The following TRPM1 variants were observed in gnomAD, a reference collection of about 807,000 sequenced individuals.
The protein encoded by TRPM1 is TRPM1-203 APA Isoform, Intron 10.
Under a neutral mutation model 149.4 loss-of-function variants are expected in TRPM1, and 113 were observed. That is an observed-to-expected ratio of 0.76 (90% confidence interval 0.65 to 0.88). TRPM1 has a LOEUF of 0.88. TRPM1 is among the 40% of genes least tolerant of loss of function. TRPM1 has a pLI of 0.00. For synonymous variants in TRPM1, 741 were observed against 759.5 expected, an observed-to-expected ratio of 0.98 and a Z score of 0.40; for missense variants, 1,976 against 2,038.7, an observed-to-expected ratio of 0.97 and a Z score of 0.59.
At chr15:31,062,993 G>T (rs2034273241) in intron 8 of TRPM1, 125 bp downstream of exon 8, 1 of 1,333,304 alleles carries the variant, frequency 7.5e-7, no homozygotes. Context: ...TGGGAGAGGA[G>T]ATCTAGCAAA....
exon 1 of TRPM1, chr15:31,160,913 G>C (rs530420639): frequency 6.5e-7 from 1 of 1,535,396 alleles, no homozygotes; most frequent in African/African-American, 1.4e-5. Flanking sequence ...CACCTTCTGC[G>C]ACCCTGATGT....
Position 31,068,354 on chromosome 15 carries a change from G to A in TRPM1, c.280-262C>T, listed in dbSNP as rs12915986. The stretch of plus-strand genomic sequence containing the variant: ...TCCCCTAAAATTCACGTGGAAACCT[G>A]ATTCCCAATGCAATAGTGTTAAGAG... On this transcript the variant is annotated intron_variant, in intron 4 of 27. Coordinates refer to ENST00000256552, the MANE Select transcript of TRPM1 (RefSeq NM_001252024.2). 0.16 allele frequency among the ~76,000 whole-genome samples: 24,768 copies of A among 152,104 alleles called. 2,854 individuals are homozygous for A. The highest frequency in any genetic ancestry group is 0.33 in the African/African-American group (13,578 of 41,468).
rs779709494 is a variant in TRPM1 at position 31,047,111 on chromosome 15, C to G, written c.1764G>C (p.Arg588Ser). 18 of 1,614,200 alleles carry G rather than the reference C, an allele frequency of 1.1e-5. No individual in the cohort carries two copies. Among genetic ancestry groups the G allele is most frequent in the Non-Finnish European group, 1.4e-5 (17 of 1,180,030 alleles). The change falls in exon 15 of 28, where the codon AGG (arginine) becomes AGC (serine). Residue 588 changes from arginine to serine, a missense_variant and splice_region_variant. Arg to Ser is a moderately radical substitution (Grantham distance 110, BLOSUM62 -1). Transcript: ENST00000256552. ...TLYNNLFGPKRPKALKLLGME... is the reference protein window; with the variant it reads ...TLYNNLFGPKSPKALKLLGME... ...ACACTACACAGGCACTGAGTTCTACCCTCTTTGGTCCAAACAAGTTGTTGT... is the reference window on the plus strand; with the variant it reads ...ACACTACACAGGCACTGAGTTCTACGCTCTTTGGTCCAAACAAGTTGTTGT...
At chr15:31,152,947 A>G (rs749003496) in intron 1 of TRPM1, among the ~76,000 whole-genome samples, 2 of 152,216 alleles carry the variant, frequency 1.3e-5, no homozygotes, top group Non-Finnish European at 2.9e-5. Flanking sequence ...CCAGCCTAAA[A>G]CAGAGATCTC....
At chr15:31,071,956 T>G (rs1472353976) in intron 3 of TRPM1, among the ~76,000 whole-genome samples, 1 of 85,198 alleles carries the variant, frequency 1.2e-5, no homozygotes, top group Non-Finnish European at 2.2e-5. Context: ...AGAGTGAGAC[T>G]CCGTCTCAAA....
intron 1 of TRPM1, among the ~76,000 whole-genome samples, chr15:31,088,638 T>G (rs1485923515): frequency 6.6e-6 from 1 of 152,164 alleles, no homozygotes; most frequent in Non-Finnish European, 1.5e-5. Context: ...AGGAACAAAC[T>G]GCGGACATGC....
At chr15:31,063,001 A>C (rs2034273611) in intron 8 of TRPM1, 117 bp downstream of exon 8, 2 of 1,409,432 alleles carry the variant, frequency 1.4e-6, no homozygotes, top group Admixed American at 3.9e-5. Flanking sequence ...GAGATCTAGC[A>C]AATCTTCCTG....
intron 1 of TRPM1, among the ~76,000 whole-genome samples, chr15:31,150,269 C>T (rs542907955): frequency 2.6e-5 from 4 of 152,158 alleles, no homozygotes; most frequent in East Asian, 1.9e-4. Context: ...GGATCTCTAA[C>T]GGAGGACTCT....
chr15:31,068,188 C>T (rs762080897), intron 4 of TRPM1, 96 bp from the exon 5 acceptor site: 6 of 1,116,650 alleles, frequency 5.4e-6, no homozygotes, highest in East Asian at 2.3e-5. Context: ...GCAAGAACTG[C>T]CTGGCTTGTC....
At chr15:31,150,121 T>C (rs2036280139) in intron 1 of TRPM1, among the ~76,000 whole-genome samples, 1 of 152,236 alleles carries the variant, frequency 6.6e-6, no homozygotes, top group South Asian at 2.1e-4. Context: ...TTCTTAAGTG[T>C]CCTCAGCCTA....
intron 1 of TRPM1, among the ~76,000 whole-genome samples, chr15:31,086,860 T>C (rs1414572032): frequency 6.6e-6 from 1 of 152,190 alleles, no homozygotes; most frequent in Non-Finnish European, 1.5e-5. Flanking sequence ...ATATTAATAT[T>C]TACAATACCT....
chr15:31,083,959 T>G (rs2034931230), intron 1 of TRPM1, among the ~76,000 whole-genome samples: 1 of 152,174 alleles, frequency 6.6e-6, no homozygotes, highest in Non-Finnish European at 1.5e-5. Flanking sequence ...CCTATTGTCC[T>G]CTGCTTCATC....
intron 26 of TRPM1, among the ~76,000 whole-genome samples, chr15:31,026,480 A>G (rs2032762445): frequency 6.6e-6 from 1 of 152,214 alleles, no homozygotes; most frequent in Admixed American, 6.5e-5. Flanking sequence ...CCCGCTTTTA[A>G]ACATAAAAAA....
chr15:31,137,580 A>G (rs1226737874), intron 1 of TRPM1, among the ~76,000 whole-genome samples: 1 of 151,814 alleles, frequency 6.6e-6, no homozygotes, highest in Non-Finnish European at 1.5e-5. Context: ...AGTCTCAAAG[A>G]GACAACAAGA....
chr15:31,050,482 C>A lies in TRPM1; in HGVS notation c.1364G>T (p.Gly455Val), dbSNP rs2033916610. Residue 455 changes from glycine (G) to valine (V), a missense_variant, in exon 12 of 28, where the codon GGC becomes GTC. Around this residue, in one of 3 missense-constraint regions of TRPM1, gnomAD observed 1,332 missense variants for 1,347.1 expected, o/e 0.99. Coordinates refer to ENST00000256552, the MANE Select transcript of TRPM1 (RefSeq NM_001252024.2). ...CTCTTTCACTTTCCCTTTCTTCTTG[C>A]CTTTCCCTTTTCCTCTTCCTCCCTT... is the stretch of plus-strand genomic sequence containing the variant. The part of the protein sequence containing the change: ...TTKGGRGKGK[G>V]KKKGKVKEEV... The A allele has an allele frequency of 1.2e-6, 2 of 1,614,040 alleles. No individual in the cohort carries two copies. The highest frequency in any genetic ancestry group is 2.7e-5 in the African/African-American group (2 of 74,904).
In TRPM1 at chr15:31,031,005, C is replaced by T. The variant is rs754615993; in HGVS notation, c.3105G>A (p.Glu1035=). ...TACGGTCTATCTGGTCTGCAAACACCTCTCCATAGATCATCCAGTAGGGCA... is the reference window on the plus strand; with the variant it reads ...TACGGTCTATCTGGTCTGCAAACACTTCTCCATAGATCATCCAGTAGGGCA... ...FYMPYWMIYG[E]VFADQIDLYA... The change falls in exon 23 of 28, where the codon GAG becomes GAA. Residue 1035 remains glutamate (E), a synonymous_variant. Coordinates refer to ENST00000256552, the MANE Select transcript of TRPM1 (RefSeq NM_001252024.2). The T allele has an allele frequency of 3.1e-6, 5 of 1,614,182 alleles. No homozygotes were observed. The South Asian group carries it at 5.5e-5, about 18-fold the overall frequency.
chr15:31,089,177 T>A (rs904722903), intron 1 of TRPM1, among the ~76,000 whole-genome samples: 1 of 152,220 alleles, frequency 6.6e-6, no homozygotes, highest in Non-Finnish European at 1.5e-5. Context: ...GTTGCATTAT[T>A]GTGCAACAGG....
intron 3 of TRPM1, 178 bp from the exon 4 acceptor site, chr15:31,070,404 C>G (rs1387681228): frequency 4.2e-6 from 3 of 716,036 alleles, no homozygotes; most frequent in Non-Finnish European, 7.6e-6. Context: ...TCCAGATAAT[C>G]AGTGCACATC....
chr15:31,037,833 C>T lies in TRPM1; in HGVS notation c.2449G>A (p.Ala817Thr). ...EKEEENTDAN[A>T]DAGSRKGDEE... ...TCCCCCTTTCTTGAGCCAGCATCTG[C>T]ATTTGCATCCTGGAAAACAGAGCAC... The change falls in exon 20 of 28, where the codon GCA becomes ACA. Residue 817 changes from alanine to threonine, a missense_variant. By Grantham distance (58) the Ala-to-Thr change is moderately conservative (BLOSUM62 0). Around this residue, in one of 3 missense-constraint regions of TRPM1, gnomAD observed 1,332 missense variants for 1,347.1 expected, o/e 0.99. Transcript: ENST00000256552. 2 of 1,614,130 alleles carry T rather than the reference C, an allele frequency of 1.2e-6. No individual in the cohort carries two copies. Among genetic ancestry groups the T allele is most frequent in the Non-Finnish European group, 1.7e-6 (2 of 1,180,018 alleles).
Sources: allele counts gnomAD v4.1 joint callset (sites outside exome capture counted in the v4.1 genomes callset), GRCh38; gene constraint gnomAD v4.1.1; regional missense constraint gnomAD v4.1.1; transcripts MANE v1.5; gene names NCBI Gene and HGNC (gene_info 2026-07-23, HGNC 2026-07-21).